GRM5: variants seen among roughly 807,000 people sequenced by gnomAD.
The protein encoded by GRM5 is metabotropic glutamate receptor 5.
Under a neutral mutation model 83.1 loss-of-function variants are expected in GRM5, and 19 were observed. The ratio of observed to expected loss-of-function variants is 0.23; its 90% CI spans 0.16 to 0.34. The LOEUF (loss-of-function observed/expected upper bound fraction) is 0.34, where lower values mean the gene tolerates loss of function less well. Ranked by LOEUF, GRM5 falls within the 10% of genes least tolerant of loss-of-function variation. GRM5 has a pLI of 1.00. For synonymous variants in GRM5, 675 were observed against 633.6 expected (o/e 1.07, Z -0.98); for missense variants, 1,160 against 1,588.3 (o/e 0.73, Z 4.58).
In GRM5 at chr11:89,061,567, A is replaced by T. The variant is rs559689293; in HGVS notation, c.-201+4209T>A. Among the ~76,000 whole-genome samples the T allele has an allele frequency of 1.4e-4, 22 of 152,324 alleles. 1 individual carries two copies. The South Asian group carries it at 4.1e-3, about 29-fold the overall frequency. On this transcript the variant is annotated intron_variant, in intron 1 of 9. Transcript: ENST00000305447. Reference sequence around the variant, plus strand: ...ATGTTAATAATCAGAGCCAAAATTAAAAATGGTATGTAGTTAATCAAGTAT... The same window carrying T: ...ATGTTAATAATCAGAGCCAAAATTATAAATGGTATGTAGTTAATCAAGTAT...
At chr11:88,882,118 T>A (rs1944963533) in intron 2 of GRM5, among the ~76,000 whole-genome samples, 1 of 151,862 alleles carries the variant, frequency 6.6e-6, no homozygotes, top group Non-Finnish European at 1.5e-5. Context: ...GCATCTGTAA[T>A]CCCAGCTATG....
chr11:88,920,601 A>T (rs890585884), intron 2 of GRM5, among the ~76,000 whole-genome samples: 3 of 152,212 alleles, frequency 2.0e-5, no homozygotes, highest in African/African-American at 7.2e-5. Flanking sequence ...ATATCCTGAT[A>T]CCAAAACAGG....
chr11:88,788,029 A>C (rs955181044), intron 3 of GRM5, among the ~76,000 whole-genome samples: 3 of 151,992 alleles, frequency 2.0e-5, no homozygotes, highest in Non-Finnish European at 4.4e-5. Context: ...CAGTTGGCAA[A>C]ATGGTTGTTT....
In GRM5 at chr11:88,603,268, C is replaced by T. The variant is rs145669890; in HGVS notation, c.1394+1450G>A. Among the ~76,000 whole-genome samples, 175 of 152,322 alleles carry T rather than the reference C, an allele frequency of 1.1e-3. 1 individual carries two copies. In the Middle Eastern group the frequency reaches 0.014, roughly 12 times the overall value. ...GGACCTTCTGAGGCATCTCCTCCCT[C>T]CCTGGTTTGCGGAATGGTTTGGGTA... On this transcript the variant is annotated intron_variant, in intron 5 of 9. Transcript: ENST00000305447.
At chr11:88,853,463 G>A (rs1944421397) in intron 2 of GRM5, among the ~76,000 whole-genome samples, 1 of 151,950 alleles carries the variant, frequency 6.6e-6, no homozygotes, top group Admixed American at 6.6e-5. Flanking sequence ...GGAATTATTT[G>A]ATGCTAAAAT....
At chr11:88,898,420 C>T (rs1306729473) in intron 2 of GRM5, among the ~76,000 whole-genome samples, 1 of 151,904 alleles carries the variant, frequency 6.6e-6, no homozygotes, top group Non-Finnish European at 1.5e-5. Context: ...GAACATAATT[C>T]AACCAAAACA....
chr11:88,884,771 G>A (rs1360404303), intron 2 of GRM5, among the ~76,000 whole-genome samples: 1 of 152,124 alleles, frequency 6.6e-6, no homozygotes, highest in Non-Finnish European at 1.5e-5. Flanking sequence ...ATAAAGGGGA[G>A]TTCCCCTGCA....
intron 2 of GRM5, among the ~76,000 whole-genome samples, chr11:89,009,900 C>CAAAAAAAA (rs758398638): frequency 3.2e-4 from 7 of 21,678 alleles, no homozygotes; most frequent in Admixed American, 8.6e-4. Context: ...GACTCCGTCT[C>CAAAAAAAA]AAAAAAAAAA....
At chr11:89,034,990 T>G (rs186810953) in intron 2 of GRM5, among the ~76,000 whole-genome samples, 194 of 151,530 alleles carry the variant, frequency 1.3e-3, no homozygotes, top group African/African-American at 4.6e-3. Flanking sequence ...TAACATAATA[T>G]ATAATGGAAT....
chr11:88,861,522 G>C (rs187500118), intron 2 of GRM5, among the ~76,000 whole-genome samples: 1 of 152,240 alleles, frequency 6.6e-6, no homozygotes, highest in East Asian at 1.9e-4. Flanking sequence ...CTGGAGTGCA[G>C]TGGTACAATC....
In GRM5 at chr11:88,608,514, A is replaced by ATTTT. The variant is rs35701224; in HGVS notation, c.1148-3554_1148-3551dup. Among the ~76,000 whole-genome samples, 311 of 98,610 alleles carry ATTTT rather than the reference A, an allele frequency of 3.2e-3. 4 individuals are homozygous for ATTTT. Among genetic ancestry groups the ATTTT allele is most frequent in the Non-Finnish European group, 3.8e-3 (187 of 49,590 alleles). 64.7% of individuals were successfully genotyped at this position (98,610 alleles called of 152,430 possible). A position where few individuals can be genotyped will look rare whatever the true frequency, so the allele number is the denominator to read the frequency against. ...AAATATAAGCTCTATGAAAACAGGG[A>ATTTT]TTTTTTTTTTTTTTTTTTTTTTGAG... On this transcript the variant is annotated intron_variant, in intron 4 of 9. Transcript: ENST00000305447.
At chr11:88,857,013 T>C (rs1437367017) in intron 2 of GRM5, among the ~76,000 whole-genome samples, 2 of 152,258 alleles carry the variant, frequency 1.3e-5, no homozygotes, top group African/African-American at 4.8e-5. Flanking sequence ...AAGTTGTGCA[T>C]AGTTTTTCAT....
intron 3 of GRM5, among the ~76,000 whole-genome samples, chr11:88,795,618 G>C (rs964644434): frequency 6.6e-6 from 1 of 152,084 alleles, no homozygotes; most frequent in Non-Finnish European, 1.5e-5. Flanking sequence ...TCTGTGATGA[G>C]TGTTCAAGAT....
intron 3 of GRM5, among the ~76,000 whole-genome samples, chr11:88,657,131 G>T (rs1939784473): frequency 6.6e-6 from 1 of 152,134 alleles, no homozygotes; most frequent in African/African-American, 2.4e-5. Context: ...CTTTAAACAA[G>T]AACACACATA....
At chr11:89,051,058 T>C (rs1217825598) in intron 1 of GRM5, among the ~76,000 whole-genome samples, 1 of 152,026 alleles carries the variant, frequency 6.6e-6, no homozygotes, top group African/African-American at 2.4e-5. Flanking sequence ...GACACCAGTT[T>C]ATGTAACAAA....
At chr11:88,734,837 G>A (rs1941879841) in intron 3 of GRM5, among the ~76,000 whole-genome samples, 1 of 152,018 alleles carries the variant, frequency 6.6e-6, no homozygotes, top group Admixed American at 6.6e-5. Flanking sequence ...AATGAATATG[G>A]AAAATTGGAA....
intron 2 of GRM5, among the ~76,000 whole-genome samples, chr11:89,005,867 T>C (rs1940510060): frequency 6.6e-6 from 1 of 152,212 alleles, no homozygotes; most frequent in African/African-American, 2.4e-5. Flanking sequence ...GTCATTTTGC[T>C]AGGTATTGGA....
intron 2 of GRM5, among the ~76,000 whole-genome samples, chr11:89,043,564 A>G (rs1359337988): frequency 6.8e-6 from 1 of 146,870 alleles, no homozygotes; most frequent in Non-Finnish European, 1.5e-5. Flanking sequence ...AAGAATATTA[A>G]TGCATGTTAT....
intron 3 of GRM5, among the ~76,000 whole-genome samples, chr11:88,687,060 A>G (rs1236062175): frequency 6.6e-6 from 1 of 151,976 alleles, no homozygotes; most frequent in Non-Finnish European, 1.5e-5. Context: ...ATATTTATTC[A>G]TTTGGCTATT....
Sources: gnomAD v4.1 joint callset for allele counts (sites outside exome capture counted in the v4.1 genomes callset) on GRCh38, gnomAD v4.1.1 for gene constraint, MANE v1.5 for transcripts, NCBI Gene and HGNC (gene_info 2026-07-23, HGNC 2026-07-21) for gene names.